Variants in MBTD1 observed in about 807,000 individuals in gnomAD.
MBTD1 encodes the protein MBT domain-containing protein 1.
In MBTD1, 24 loss-of-function variants were observed where a neutral mutation model predicts 87.8. The observed-to-expected ratio is 0.27, with a 90% CI of 0.20 to 0.38. The LOEUF is 0.38. MBTD1 is among the 10% of genes least tolerant of loss of function. MBTD1 has a pLI of 1.00. For synonymous variants in MBTD1, 237 were observed against 248.6 expected (o/e 0.95, Z 0.44); for missense variants, 436 against 760.2 (o/e 0.57, Z 5.02).
intron 6 of MBTD1, among the ~76,000 whole-genome samples, chr17:51,216,765 G>C (rs2052593272): frequency 1.3e-5 from 2 of 152,042 alleles, no homozygotes; most frequent in Non-Finnish European, 2.9e-5. Context: ...TTCATTTTTT[G>C]TAGAAAAGAA....
intron 6 of MBTD1, among the ~76,000 whole-genome samples, chr17:51,215,012 A>C (rs758543444): frequency 4.6e-5 from 7 of 152,260 alleles, no homozygotes; most frequent in Non-Finnish European, 5.9e-5. Flanking sequence ...CCTTAACAAA[A>C]TGGCTTCAAA....
At chr17:51,252,160 G>C (rs2054823902) in intron 2 of MBTD1, among the ~76,000 whole-genome samples, 1 of 152,136 alleles carries the variant, frequency 6.6e-6, no homozygotes, top group Admixed American at 6.6e-5. Context: ...ACTTAAATCT[G>C]TAGCAGCGCA....
chr17:51,195,666 C>G (rs1401053412), intron 12 of MBTD1, among the ~76,000 whole-genome samples: 1 of 152,216 alleles, frequency 6.6e-6, no homozygotes, highest in East Asian at 1.9e-4. Context: ...GGGCTGAGTG[C>G]TTACTATTTA....
intron 16 of MBTD1, among the ~76,000 whole-genome samples, chr17:51,186,930 T>A (rs530216742): frequency 1.3e-5 from 2 of 152,160 alleles, no homozygotes; most frequent in African/African-American, 4.8e-5. Context: ...ATAGCTCATA[T>A]AAGCCCAAAC....
chr17:51,183,121 A>G (rs921557947), intron 16 of MBTD1: 2 of 151,246 alleles, frequency 1.3e-5, no homozygotes, highest in Non-Finnish European at 2.9e-5. Context: ...AATTAGTTTA[A>G]AAATAATGGC....
chr17:51,258,505 TA>T (rs915956212), intron 2 of MBTD1, among the ~76,000 whole-genome samples: 68 of 105,404 alleles, frequency 6.5e-4, no homozygotes, highest in Admixed American at 8.2e-4. Flanking sequence ...GATAGTTACT[TA>T]AAAAAAAAAA....
At chr17:51,196,191 C>G (rs2051093149) in intron 12 of MBTD1, among the ~76,000 whole-genome samples, 1 of 150,414 alleles carries the variant, frequency 6.6e-6, no homozygotes, top group African/African-American at 2.5e-5. Flanking sequence ...GGATTACTGG[C>G]AAGAGCCACC....
In MBTD1 at chr17:51,218,529, CA is replaced by C. The variant is rs58563366; in HGVS notation, c.403+400del. ...GAGTGACAGAGCAAGACTCTGTCTCCAAAAAAAAAAAAAAAAAAAAAAAAAA... is the reference window on the plus strand; with the variant it reads ...GAGTGACAGAGCAAGACTCTGTCTCCAAAAAAAAAAAAAAAAAAAAAAAAA... On this transcript the variant is annotated intron_variant, in intron 5 of 16. Coordinates refer to ENST00000586178, the MANE Select transcript of MBTD1 (RefSeq NM_017643.3). Among the ~76,000 whole-genome samples, 1,100 of 110,496 alleles carry C rather than the reference CA, an allele frequency of 1.0e-2. 2 individuals are homozygous for C. Among genetic ancestry groups the C allele is most frequent in the Non-Finnish European group, 0.013 (676 of 52,780 alleles). 72.5% of individuals were successfully genotyped at this position (110,496 alleles called of 152,430 possible). A position where few individuals can be genotyped will look rare whatever the true frequency, so the allele number is the denominator to read the frequency against.
At chr17:51,231,892 T>C (rs2053570789) in intron 2 of MBTD1, among the ~76,000 whole-genome samples, 1 of 151,884 alleles carries the variant, frequency 6.6e-6, no homozygotes, top group South Asian at 2.1e-4. Context: ...TAGGATAGAA[T>C]ACCAGCGAAC....
intron 6 of MBTD1, among the ~76,000 whole-genome samples, chr17:51,207,936 T>C (rs16949692): frequency 0.012 from 1,794 of 152,294 alleles, 46 homozygotes; most frequent in African/African-American, 0.041. Context: ...AGAATGTTGA[T>C]CATAAAGAAA....
intron 7 of MBTD1, among the ~76,000 whole-genome samples, chr17:51,205,288 C>A (rs905890550): frequency 3.3e-5 from 5 of 152,168 alleles, no homozygotes; most frequent in Non-Finnish European, 7.4e-5. Flanking sequence ...TAACATTAGG[C>A]TCACTTCTAC....
At chr17:51,217,981 G>A (rs557199897) in intron 5 of MBTD1, among the ~76,000 whole-genome samples, 9 of 152,318 alleles carry the variant, frequency 5.9e-5, no homozygotes, top group African/African-American at 2.2e-4. Context: ...ACAAAGAGAA[G>A]TTGAGAGAAG....
chr17:51,182,694 A>C (rs1171961001), intron 16 of MBTD1, among the ~76,000 whole-genome samples: 6 of 152,162 alleles, frequency 3.9e-5, no homozygotes, highest in African/African-American at 1.4e-4. Context: ...CTCCAGATCA[A>C]GGGTAAAAGT....
intron 6 of MBTD1, among the ~76,000 whole-genome samples, chr17:51,215,175 C>A (rs1185802917): frequency 6.6e-6 from 1 of 152,200 alleles, no homozygotes; most frequent in Non-Finnish European, 1.5e-5. Flanking sequence ...AGATGCCTCA[C>A]TTCTGAGTGA....
intron 2 of MBTD1, 120 bp from the exon 3 acceptor site, chr17:51,225,329 A>G (rs2053148092): frequency 2.1e-6 from 1 of 469,154 alleles, no homozygotes; most frequent in Admixed American, 4.2e-5. Context: ...CTGAGAAATA[A>G]CCATTTTCTT....
intron 10 of MBTD1, among the ~76,000 whole-genome samples, chr17:51,202,450 T>A (rs1246064754): frequency 6.6e-6 from 1 of 152,186 alleles, no homozygotes; most frequent in Admixed American, 6.5e-5. Context: ...ATGGGCTGAA[T>A]AATAAAAGAA....
intron 2 of MBTD1, among the ~76,000 whole-genome samples, chr17:51,258,621 C>T (rs192201945): frequency 6.6e-6 from 1 of 152,282 alleles, no homozygotes; most frequent in East Asian, 1.9e-4. Context: ...AATCATCCCT[C>T]TACCAGGTGA....
At chr17:51,224,176 C>A (rs1333518684) in intron 3 of MBTD1, among the ~76,000 whole-genome samples, 1 of 152,114 alleles carries the variant, frequency 6.6e-6, no homozygotes, top group Non-Finnish European at 1.5e-5. Context: ...CAGTTCCAGG[C>A]AAATCAGGAT....
chr17:51,259,786 GCGTCCCCC>G, intron 1 of MBTD1, 41 bp downstream of exon 1: 1 of 1,232,616 alleles, frequency 8.1e-7, no homozygotes, highest in Non-Finnish European at 1.0e-6. Flanking sequence ...AGAGCTGCAG[GCGTCCCCC>G]CCACCTGGCA....
Sources: allele counts gnomAD v4.1 joint callset (sites outside exome capture counted in the v4.1 genomes callset), GRCh38; gene constraint gnomAD v4.1.1; transcripts MANE v1.5; gene names NCBI Gene and HGNC (gene_info 2026-07-23, HGNC 2026-07-21).